Variants in FHIP1A observed in about 807,000 individuals in gnomAD.
FHIP1A encodes the protein FHF complex subunit HOOK-interacting protein 1A.
In FHIP1A, 61 loss-of-function variants were observed where a neutral mutation model predicts 88.6. That is an observed-to-expected ratio of 0.69 (90% CI 0.56 to 0.85). The LOEUF (loss-of-function observed/expected upper bound fraction) is 0.85. Ranked by LOEUF, FHIP1A falls within the 40% of genes least tolerant of loss-of-function variation. FHIP1A has a pLI of 0.00. For synonymous variants in FHIP1A, 478 were observed against 496.0 expected (o/e 0.96, Z 0.48); for missense variants, 1,154 against 1,273.5 (o/e 0.91, Z 1.43).
intron 3 of FHIP1A, among the ~76,000 whole-genome samples, chr4:151,563,253 C>G (rs1244097218): frequency 6.6e-6 from 1 of 152,046 alleles, no homozygotes; most frequent in Non-Finnish European, 1.5e-5. Flanking sequence ...TTACCACAAC[C>G]AAAAAACTCA....
At chr4:151,510,115 T>C (rs928330449) in intron 3 of FHIP1A, among the ~76,000 whole-genome samples, 30 of 152,160 alleles carry the variant, frequency 2.0e-4, no homozygotes, top group South Asian at 6.2e-4. Flanking sequence ...ATTTTTTTTT[T>C]CTTTTTTTGG....
intron 3 of FHIP1A, among the ~76,000 whole-genome samples, chr4:151,565,912 T>C (rs943376007): frequency 3.9e-5 from 6 of 152,054 alleles, no homozygotes; most frequent in Admixed American, 1.3e-4. Flanking sequence ...AACCCAATAA[T>C]TGTTTCATTT....
chr4:151,443,747 C>A (rs1480183663), intron 1 of FHIP1A, among the ~76,000 whole-genome samples: 2 of 135,508 alleles, frequency 1.5e-5, no homozygotes, highest in Non-Finnish European at 3.2e-5. Context: ...TGTCTGCTGG[C>A]CAGCTTTTCT....
intron 3 of FHIP1A, among the ~76,000 whole-genome samples, chr4:151,517,943 T>C (rs1381170552): frequency 1.3e-5 from 2 of 152,184 alleles, no homozygotes; most frequent in Non-Finnish European, 1.5e-5. Context: ...AAAAAGTTTA[T>C]ACAGTAAAAA....
At position 151,669,527 on chromosome 4, in the gene FHIP1A, A is replaced by C. The variant is rs1332135075; in HGVS notation, c.*6773A>C. On this transcript the variant is annotated 3_prime_UTR_variant, in exon 14 of 14. Transcript: ENST00000435205. ...AACAGAATTTATAAAATGAAACTGAACCTTCTCCTTTCTTACAAAATAAAG... is the reference window on the plus strand; with the variant it reads ...AACAGAATTTATAAAATGAAACTGACCCTTCTCCTTTCTTACAAAATAAAG... Among the ~76,000 whole-genome samples, 1 of 152,146 alleles carries C rather than the reference A, an allele frequency of 6.6e-6. No individual in the cohort carries two copies. Among genetic ancestry groups the C allele is most frequent in the Non-Finnish European group, 1.5e-5 (1 of 68,022 alleles).
chr4:151,573,963 C>T (rs922208919), intron 4 of FHIP1A, among the ~76,000 whole-genome samples: 2 of 152,184 alleles, frequency 1.3e-5, no homozygotes, highest in African/African-American at 4.8e-5. Context: ...CATTTCAGTG[C>T]AAATTGTGCT....
chr4:151,497,073 G>A (rs1416340693), intron 3 of FHIP1A, among the ~76,000 whole-genome samples: 1 of 152,068 alleles, frequency 6.6e-6, no homozygotes, highest in African/African-American at 2.4e-5. Flanking sequence ...TATGTTTAGC[G>A]GGAAAAAGGC....
At chr4:151,575,282 G>A (rs530060105) in intron 4 of FHIP1A, among the ~76,000 whole-genome samples, 6 of 152,306 alleles carry the variant, frequency 3.9e-5, no homozygotes, top group East Asian at 1.9e-4. Flanking sequence ...GAGGCTTGAA[G>A]TTAGGGACTT....
At chr4:151,594,749 A>G (rs2126818438) in intron 7 of FHIP1A, among the ~76,000 whole-genome samples, 1 of 151,860 alleles carries the variant, frequency 6.6e-6, no homozygotes. Context: ...AATTTTTTGT[A>G]TTTTTAGTAG....
intron 1 of FHIP1A, among the ~76,000 whole-genome samples, chr4:151,437,032 C>T (rs1728230591): frequency 6.6e-6 from 1 of 152,120 alleles, no homozygotes; most frequent in African/African-American, 2.4e-5. Context: ...ATGTTCAGTA[C>T]AGACATGAAT....
At chr4:151,626,158 A>G (rs141875893) in intron 7 of FHIP1A, among the ~76,000 whole-genome samples, 16 of 152,368 alleles carry the variant, frequency 1.1e-4, no homozygotes, top group African/African-American at 3.4e-4. Flanking sequence ...GTTTGACAAA[A>G]CAGGACTTGC....
chr4:151,668,209 C>A lies in FHIP1A; in HGVS notation c.*5455C>A, dbSNP rs1406582876. On this transcript the variant is annotated 3_prime_UTR_variant, in exon 14 of 14. Transcript: ENST00000435205. ...TGCTGAAGAGGCATGGCAGCCACTT[C>A]CATGCTGCTTTTGGTAATGGGTAAA... Among the ~76,000 whole-genome samples the A allele has an allele frequency of 2.0e-5, 3 of 152,132 alleles. No individual in the cohort carries two copies. The highest frequency in any genetic ancestry group is 4.4e-5 in the Non-Finnish European group (3 of 68,014).
intron 1 of FHIP1A, among the ~76,000 whole-genome samples, chr4:151,431,030 C>T (rs569309279): frequency 6.7e-6 from 1 of 149,636 alleles, no homozygotes; most frequent in African/African-American, 2.5e-5. Context: ...TATGCAAATA[C>T]ATTTTTTTGT....
rs187826015 is a variant in FHIP1A, at chr4:151,467,316, A to C, written c.-248+12508A>C. Reference sequence around the variant, plus strand: ...TCAGAATGGTGATTATTAAAAAGTCAAGAAACAACAGTTGCTGGTGAGGCT... The same window carrying C: ...TCAGAATGGTGATTATTAAAAAGTCCAGAAACAACAGTTGCTGGTGAGGCT... On this transcript the variant is annotated intron_variant, in intron 2 of 13. Transcript: ENST00000435205. 1.6e-4 allele frequency among the ~76,000 whole-genome samples: 25 copies of C among 152,358 alleles called. No homozygotes were observed. In the East Asian group the frequency reaches 4.0e-3, roughly 25 times the overall value.
In FHIP1A at chr4:151,568,112, GC is replaced by G. The variant is rs1733460238; in HGVS notation, c.105+1750del. 2.0e-5 allele frequency among the ~76,000 whole-genome samples: 3 copies of G among 152,238 alleles called. No individual in the cohort carries two copies. The South Asian group carries it at 6.2e-4, about 32-fold the overall frequency. On this transcript the variant is annotated intron_variant, in intron 4 of 13. Transcript: ENST00000435205. ...GGCTTTCTCCAAATGTGAGGAATGT[GC>G]CAGTACATTGTGTCACATTGTTGAA...
At position 151,656,330 on chromosome 4, in the gene FHIP1A, A is replaced by C. The variant is rs976593347; in HGVS notation, c.2650A>C (p.Ser884Arg). The C allele has an allele frequency of 5.2e-6, 8 of 1,551,544 alleles. No homozygotes were observed. Among genetic ancestry groups the C allele is most frequent in the Non-Finnish European group, 7.0e-6 (8 of 1,146,980 alleles). ...TATCGGGATCATTACTCAGCTAGCCAGCTACCCCCAGCCACTCCTGCGCTC... is the reference window on the plus strand; with the variant it reads ...TATCGGGATCATTACTCAGCTAGCCCGCTACCCCCAGCCACTCCTGCGCTC... ...LLIGIITQLASYPQPLLRSFL... is the reference protein window; with the variant it reads ...LLIGIITQLARYPQPLLRSFL... Residue 884 changes from serine (S) to arginine (R), a missense_variant, in exon 12 of 14, where the codon AGC becomes CGC. Ser to Arg is a moderately radical substitution (Grantham distance 110). Coordinates refer to ENST00000435205, the MANE Select transcript of FHIP1A (RefSeq NM_001109977.3). The surrounding 1 kb of genome is among the most constrained non-coding windows in gnomAD (Gnocchi z 4.2).
intron 3 of FHIP1A, among the ~76,000 whole-genome samples, chr4:151,503,638 A>T (rs541981271): frequency 6.6e-6 from 1 of 152,274 alleles, no homozygotes; most frequent in African/African-American, 2.4e-5. Context: ...AACCCAACTC[A>T]TTCTCTTTCT....
chr4:151,427,597 C>T (rs1305130901), intron 1 of FHIP1A, among the ~76,000 whole-genome samples: 2 of 152,026 alleles, frequency 1.3e-5, no homozygotes, highest in African/African-American at 4.8e-5. Flanking sequence ...ACATTTTGTA[C>T]TTTAAAATTT....
intron 3 of FHIP1A, among the ~76,000 whole-genome samples, chr4:151,538,837 G>A (rs1732165416): frequency 1.3e-5 from 2 of 152,204 alleles, no homozygotes; most frequent in Non-Finnish European, 2.9e-5. Flanking sequence ...AAGGTCTCCA[G>A]ATGAAAATAA....
Sources: allele counts gnomAD v4.1 joint callset (sites outside exome capture counted in the v4.1 genomes callset), GRCh38; gene constraint gnomAD v4.1.1; non-coding constraint Gnocchi (gnomAD v3.1); transcripts MANE v1.5; gene names NCBI Gene and HGNC (gene_info 2026-07-23, HGNC 2026-07-21).